The following CCNY variants were observed in gnomAD, a reference collection of about 807,000 sequenced individuals.
CCNY encodes the protein cyclin-Y.
CCNY carries 19 observed loss-of-function variants against 42.8 expected under a neutral mutation model. The observed-to-expected ratio is 0.44, with a 90% CI of 0.31 to 0.65. The LOEUF (loss-of-function observed/expected upper bound fraction) is 0.65, where lower values mean the gene tolerates loss of function less well. Among genes scored for constraint, CCNY ranks in the 30% least tolerant of loss-of-function variants. CCNY has a pLI of 0.07. For missense variants in CCNY, 370 were observed against 437.3 expected, an observed-to-expected ratio of 0.85 and a Z score of 1.37; for synonymous variants, 165 against 162.7, an observed-to-expected ratio of 1.01 and a Z score of -0.11.
At chr10:35,497,431 C>T (rs1840023521) in intron 2 of CCNY, among the ~76,000 whole-genome samples, 1 of 152,152 alleles carries the variant, frequency 6.6e-6, no homozygotes, top group African/African-American at 2.4e-5. Context: ...TCAGGTGATA[C>T]ACCACTGTAA....
intron 3 of CCNY, among the ~76,000 whole-genome samples, chr10:35,252,620 G>A (rs1246767166): frequency 6.7e-6 from 1 of 150,018 alleles, no homozygotes; most frequent in Non-Finnish European, 1.5e-5. Context: ...CTTGCATTGA[G>A]GTATGAAAAA....
At chr10:35,494,234 A>AC (rs3067564) in intron 2 of CCNY, among the ~76,000 whole-genome samples, 42,588 of 109,450 alleles carry the variant, frequency 0.39, 9,446 homozygotes, top group East Asian at 0.45. Context: ...GCATAGTGAG[A>AC]CCCCCCCCCC....
intron 1 of CCNY, among the ~76,000 whole-genome samples, chr10:35,378,191 T>A (rs1837096939): frequency 6.6e-6 from 1 of 152,254 alleles, no homozygotes; most frequent in South Asian, 2.1e-4. Flanking sequence ...AAAGTATTGG[T>A]TCACTAATTT....
intron 3 of CCNY, among the ~76,000 whole-genome samples, chr10:35,509,599 G>T (rs1052951738): frequency 1.3e-5 from 2 of 152,080 alleles, no homozygotes; most frequent in African/African-American, 4.8e-5. Context: ...TCTTTCTATG[G>T]AACATTAGTT....
At chr10:35,307,668 A>G (rs944998135) in intron 3 of CCNY, among the ~76,000 whole-genome samples, 7 of 150,322 alleles carry the variant, frequency 4.7e-5, no homozygotes, top group African/African-American at 9.7e-5. Flanking sequence ...GGTTATATGT[A>G]TATATATATA....
At chr10:35,358,028 C>G (rs1160975740) in intron 1 of CCNY, among the ~76,000 whole-genome samples, 1 of 152,062 alleles carries the variant, frequency 6.6e-6, no homozygotes, top group African/African-American at 2.4e-5. Context: ...ATCATTCCTT[C>G]AGTGCTTCCT....
In CCNY at chr10:35,547,969, A is replaced by G. The variant is rs554136833; in HGVS notation, c.580-5050A>G. 2.0e-5 allele frequency among the ~76,000 whole-genome samples: 3 copies of G among 152,276 alleles called. No individual in the cohort carries two copies. The South Asian group carries it at 6.2e-4, about 32-fold the overall frequency. On this transcript the variant is annotated intron_variant, in intron 7 of 9. Coordinates refer to ENST00000374704, the MANE Select transcript of CCNY (RefSeq NM_145012.6). ...TTTCCATTTTATTATCAGTATACTTAGAACCTCTTACTACAGCTTATTGGC... is the reference window on the plus strand; with the variant it reads ...TTTCCATTTTATTATCAGTATACTTGGAACCTCTTACTACAGCTTATTGGC...
At chr10:35,464,841 C>T (rs1839225070) in intron 1 of CCNY, among the ~76,000 whole-genome samples, 1 of 152,194 alleles carries the variant, frequency 6.6e-6, no homozygotes, top group South Asian at 2.1e-4. Context: ...ATAGTGGACT[C>T]AAATGCCTTT....
intron 3 of CCNY, among the ~76,000 whole-genome samples, chr10:35,279,544 T>G (rs1277922256): frequency 1.3e-5 from 2 of 151,946 alleles, no homozygotes; most frequent in Non-Finnish European, 2.9e-5. Flanking sequence ...GGGTTAAGGG[T>G]GGAAAATAAC....
intron 3 of CCNY, among the ~76,000 whole-genome samples, chr10:35,514,021 CCACA>C (rs1840374478): frequency 6.8e-6 from 1 of 146,012 alleles, no homozygotes; most frequent in South Asian, 2.2e-4. Context: ...TTGGATGGTA[CCACA>C]CAGCAGGAGG....
At chr10:35,470,913 C>T (rs1246550717) in intron 1 of CCNY, among the ~76,000 whole-genome samples, 3 of 152,182 alleles carry the variant, frequency 2.0e-5, no homozygotes, top group Non-Finnish European at 2.9e-5. Flanking sequence ...TCATAATTGC[C>T]TCCCACATCA....
At chr10:35,301,091 AG>A (rs1835528269) in intron 3 of CCNY, among the ~76,000 whole-genome samples, 1 of 152,190 alleles carries the variant, frequency 6.6e-6, no homozygotes, top group African/African-American at 2.4e-5. Flanking sequence ...TATAGGGGTG[AG>A]CCACTGTGCC....
chr10:35,269,641 T>C (rs538931236), intron 3 of CCNY, among the ~76,000 whole-genome samples: 1 of 149,182 alleles, frequency 6.7e-6, no homozygotes, highest in Non-Finnish European at 1.5e-5. Context: ...GTTTTGTTTT[T>C]TTTTTGAGAT....
chr10:35,476,097 T>C (rs1176869822), intron 1 of CCNY, among the ~76,000 whole-genome samples: 3 of 152,178 alleles, frequency 2.0e-5, no homozygotes, highest in Non-Finnish European at 4.4e-5. Flanking sequence ...GTCCTAAATA[T>C]ATATGCACCC....
intron 3 of CCNY, among the ~76,000 whole-genome samples, chr10:35,276,978 A>G (rs1835246784): frequency 6.6e-6 from 1 of 152,216 alleles, no homozygotes; most frequent in Admixed American, 6.5e-5. Flanking sequence ...CCAGACTGAT[A>G]AATGCTCACT....
At chr10:35,326,661 G>A (rs1450959521) in intron 3 of CCNY, among the ~76,000 whole-genome samples, 1 of 152,048 alleles carries the variant, frequency 6.6e-6, no homozygotes, top group Admixed American at 6.6e-5. Flanking sequence ...TGCTTTGGGA[G>A]GTTTGCTTGA....
At chr10:35,366,922 C>T (rs1396414045) in intron 1 of CCNY, among the ~76,000 whole-genome samples, 2 of 152,230 alleles carry the variant, frequency 1.3e-5, no homozygotes, top group African/African-American at 2.4e-5. Context: ...TGAGGGCTAC[C>T]ATTGCTAATT....
chr10:35,379,296 CT>C (rs1173983334), intron 1 of CCNY, among the ~76,000 whole-genome samples: 2 of 152,174 alleles, frequency 1.3e-5, no homozygotes, highest in Admixed American at 6.6e-5. Context: ...CCCTGCCCCC[CT>C]GGACCTGGAT....
chr10:35,304,263 T>C (rs1436260038), intron 3 of CCNY, among the ~76,000 whole-genome samples: 3 of 152,176 alleles, frequency 2.0e-5, no homozygotes, highest in African/African-American at 7.2e-5. Flanking sequence ...AGAGCCGTTG[T>C]AAGATCTTGA....
Sources: gnomAD v4.1 joint callset for allele counts (sites outside exome capture counted in the v4.1 genomes callset) on GRCh38, gnomAD v4.1.1 for gene constraint, MANE v1.5 for transcripts, NCBI Gene and HGNC (gene_info 2026-07-23, HGNC 2026-07-21) for gene names.